The following CFAP52 variants were observed in gnomAD, a reference collection of about 807,000 sequenced individuals.
The protein encoded by CFAP52 is cilia- and flagella-associated protein 52.
In CFAP52, 57 loss-of-function variants were observed where a neutral mutation model predicts 70.5. The observed-to-expected ratio is 0.81, with a 90% CI of 0.65 to 1.01. CFAP52 has a LOEUF of 1.01. Among genes scored for constraint, CFAP52 ranks in the 50% least tolerant of loss-of-function variants. CFAP52 has a pLI of 0.00. For synonymous variants in CFAP52, 267 were observed against 292.5 expected, an observed-to-expected ratio of 0.91 and a Z score of 0.89; for missense variants, 785 against 788.5, an observed-to-expected ratio of 1.00 and a Z score of 0.05.
chr17:9,594,116 A>G (rs984243632), intron 3 of CFAP52, 77 bp from the exon 4 acceptor site: 1 of 1,501,192 alleles, frequency 6.7e-7, no homozygotes, highest in Non-Finnish European at 8.9e-7. Context: ...TTCTAGAACC[A>G]CTAAGATGGT....
chr17:9,596,099 A>G (rs1332944510), intron 4 of CFAP52, among the ~76,000 whole-genome samples: 10 of 137,608 alleles, frequency 7.3e-5, no homozygotes, highest in African/African-American at 2.2e-4. Context: ...ATATATATAT[A>G]TATGTACACA....
chr17:9,610,919 A>G (rs1256978028), intron 7 of CFAP52, among the ~76,000 whole-genome samples: 2 of 152,160 alleles, frequency 1.3e-5, no homozygotes, highest in African/African-American at 2.4e-5. Flanking sequence ...CTTTGTTGTC[A>G]TCTGTGGGCT....
At chr17:9,610,700 A>G (rs1909681639) in intron 7 of CFAP52, among the ~76,000 whole-genome samples, 1 of 151,916 alleles carries the variant, frequency 6.6e-6, no homozygotes, top group Non-Finnish European at 1.5e-5. Context: ...AAGCCCAGCT[A>G]ATTTTTTTTT....
intron 3 of CFAP52, among the ~76,000 whole-genome samples, chr17:9,592,504 C>A (rs546807331): frequency 6.6e-6 from 1 of 152,062 alleles, no homozygotes; most frequent in African/African-American, 2.4e-5. Flanking sequence ...ACCCCGTACC[C>A]ATTAGCAATC....
chr17:9,631,028 A>AAGAGAGAGAGAG lies in CFAP52; in HGVS notation c.1175-1844_1175-1833dup, dbSNP rs761523039. ...AAAGAAAGAAAGAAAGAAAGAAAGA[A>AAGAGAGAGAGAG]AGAGAGAGAGAGAGAGAGAGAGAGA... On this transcript the variant is annotated intron_variant, in intron 9 of 13. Transcript: ENST00000352665. 6.9e-4 allele frequency among the ~76,000 whole-genome samples: 31 copies of AAGAGAGAGAGAG among 44,720 alleles called. 3 individuals are homozygous for AAGAGAGAGAGAG. The highest frequency in any genetic ancestry group is 1.6e-3 in the African/African-American group (13 of 8,234). The allele number at this position is 44,720 out of a possible 152,430, so 29.3% of individuals were successfully genotyped here. A position where few individuals can be genotyped will look rare whatever the true frequency, so the allele number is the denominator to read the frequency against.
At chr17:9,608,768 A>G (rs1169554607) in intron 7 of CFAP52, among the ~76,000 whole-genome samples, 1 of 152,212 alleles carries the variant, frequency 6.6e-6, no homozygotes, top group Non-Finnish European at 1.5e-5. Flanking sequence ...TGCCATAACA[A>G]TGTGCTTATT....
intron 6 of CFAP52, among the ~76,000 whole-genome samples, chr17:9,601,588 C>T (rs1909273094): frequency 1.3e-5 from 2 of 152,060 alleles, no homozygotes; most frequent in African/African-American, 4.8e-5. Context: ...CTAACTAGAT[C>T]TTAGATTTTA....
chr17:9,635,993 T>C lies in CFAP52; in HGVS notation c.1472+437T>C, dbSNP rs569256602. Among the ~76,000 whole-genome samples, 76 of 151,738 alleles carry C rather than the reference T, an allele frequency of 5.0e-4. No homozygotes were observed. The East Asian group carries it at 0.014, about 28-fold the overall frequency. ...TTCGAGACCAGCCTGGCCAACATGG[T>C]GAAACCCCTTCTCTACTAAAAATAA... is the stretch of plus-strand genomic sequence containing the variant. On this transcript the variant is annotated intron_variant, in intron 11 of 13. Transcript: ENST00000352665.
intron 9 of CFAP52, among the ~76,000 whole-genome samples, chr17:9,630,902 C>G (rs371070702): frequency 6.7e-6 from 1 of 149,580 alleles, no homozygotes. Flanking sequence ...AGGAGAGTTT[C>G]TTGAACCCGG....
At position 9,638,651 on chromosome 17, in the gene CFAP52, C is replaced by T. The variant is rs1910915552; in HGVS notation, c.1515C>T (p.Phe505=). The T allele has an allele frequency of 1.9e-6, 3 of 1,614,168 alleles. No individual in the cohort carries two copies. The African/African-American group carries it at 4.0e-5, about 22-fold the overall frequency. ...AGATGATACTAGCCAACACCTTATT[C>T]CAGTGTGTGTGCTATCACCCTGAGG... The part of the protein sequence containing the change: ...RNQMILANTL[F]QCVCYHPEEF... The change falls in exon 12 of 14, where the codon TTC becomes TTT. Residue 505 remains phenylalanine (F), a synonymous_variant. Coordinates refer to ENST00000352665, the MANE Select transcript of CFAP52 (RefSeq NM_145054.5).
At position 9,643,198 on chromosome 17, in the gene CFAP52, A is replaced by G. The variant is rs1911165787; in HGVS notation, c.1863A>G (p.Ter621TrpextTer2). Residue 621 changes from the stop codon to tryptophan, a stop_lost, in exon 14 of 14, where the codon TGA (stop) becomes TGG (tryptophan). Transcript: ENST00000352665. ...ILRWKYPYTS[*>W] The stretch of plus-strand genomic sequence containing the variant: ...GATGGAAGTACCCATATACCTCCTG[A>G]AGCTGATGAGATGTCTCTGAGCCTT... The G allele has an allele frequency of 1.2e-6, 2 of 1,602,870 alleles. No individual in the cohort carries two copies. The highest frequency in any genetic ancestry group is 8.5e-7 in the Non-Finnish European group (1 of 1,173,914).
chr17:9,589,608 C>G (rs949132611), intron 3 of CFAP52, among the ~76,000 whole-genome samples: 2 of 152,002 alleles, frequency 1.3e-5, no homozygotes, highest in Non-Finnish European at 2.9e-5. Context: ...TGGCAGGCGC[C>G]TGTAATCCCA....
At position 9,632,988 on chromosome 17, in the gene CFAP52, C is replaced by T; in HGVS notation, c.1275C>T (p.Thr425=). The T allele has an allele frequency of 6.2e-7, 1 of 1,614,198 alleles. No homozygotes were observed. The highest frequency in any genetic ancestry group is 2.2e-5 in the East Asian group (1 of 44,886). The change falls in exon 10 of 14, where the codon ACC becomes ACT. Residue 425 remains threonine, a synonymous_variant. Coordinates refer to ENST00000352665, the MANE Select transcript of CFAP52 (RefSeq NM_145054.5). The part of the protein sequence containing the change: ...AHRIGVTAIA[T]TSDCKRVISG... Reference sequence around the variant, plus strand: ...GGATCGGCGTCACCGCCATCGCCACCACCAGTGACTGTAAAAGGGTCATCA... The same window carrying T: ...GGATCGGCGTCACCGCCATCGCCACTACCAGTGACTGTAAAAGGGTCATCA...
At chr17:9,608,293 C>T (rs1006155778) in intron 7 of CFAP52, 74 bp downstream of exon 7, 14 of 1,210,054 alleles carry the variant, frequency 1.2e-5, no homozygotes, top group African/African-American at 4.6e-5. Flanking sequence ...GCCAGCAACT[C>T]GATGATATCG....
intron 4 of CFAP52, among the ~76,000 whole-genome samples, chr17:9,596,903 G>A (rs1050644792): frequency 3.3e-5 from 5 of 152,180 alleles, no homozygotes; most frequent in Admixed American, 3.3e-4. Context: ...TTTTAATAGA[G>A]ACGGGGTTTT....
intron 12 of CFAP52, among the ~76,000 whole-genome samples, chr17:9,641,057 G>A (rs970231343): frequency 3.3e-5 from 5 of 152,128 alleles, no homozygotes; most frequent in Non-Finnish European, 7.4e-5. Flanking sequence ...TTTAAATCTT[G>A]AATAGATTGT....
At chr17:9,614,814 A>G (rs1370470462) in intron 8 of CFAP52, among the ~76,000 whole-genome samples, 10 of 152,178 alleles carry the variant, frequency 6.6e-5, no homozygotes, top group Non-Finnish European at 1.5e-4. Flanking sequence ...ATGACGACCA[A>G]AAAATGTCCC....
chr17:9,641,132 C>T (rs1174678526), intron 12 of CFAP52, among the ~76,000 whole-genome samples: 1 of 152,220 alleles, frequency 6.6e-6, no homozygotes, highest in Non-Finnish European at 1.5e-5. Flanking sequence ...CCTTTAGGCA[C>T]CTGTCTCTCC....
chr17:9,616,213 T>C (rs1177037973), intron 8 of CFAP52, among the ~76,000 whole-genome samples: 2 of 150,838 alleles, frequency 1.3e-5, no homozygotes, highest in Non-Finnish European at 3.0e-5. Context: ...GGGAGTTCCC[T>C]TTCCCAGTCA....
Sources: gnomAD v4.1 joint callset for allele counts (sites outside exome capture counted in the v4.1 genomes callset) on GRCh38, gnomAD v4.1.1 for gene constraint, MANE v1.5 for transcripts, NCBI Gene and HGNC (gene_info 2026-07-23, HGNC 2026-07-21) for gene names.